The following RGS7 variants were observed in gnomAD, a reference collection of about 807,000 sequenced individuals.
The protein encoded by RGS7 is regulator of G protein signaling 7.
A neutral mutation model predicts 81.1 loss-of-function variants in RGS7; 27 were observed. The ratio of observed to expected loss-of-function variants is 0.33; its 90% CI spans 0.25 to 0.46. The LOEUF (loss-of-function observed/expected upper bound fraction) is 0.46, where lower values mean the gene tolerates loss of function less well. Ranked by LOEUF, RGS7 falls within the 20% of genes least tolerant of loss-of-function variation. The pLI, the probability that RGS7 is intolerant of heterozygous loss-of-function variation, is 1.00. For missense variants in RGS7, 396 were observed against 607.4 expected (o/e 0.65, Z 3.66); for synonymous variants, 208 against 207.7 (o/e 1.00, Z -0.01).
At chr1:241,352,827 C>T (rs6672132) in intron 2 of RGS7, among the ~76,000 whole-genome samples, 1 of 152,256 alleles carries the variant, frequency 6.6e-6, no homozygotes, top group African/African-American at 2.4e-5. Flanking sequence ...ACATCAAACA[C>T]ACACAAGAAA....
chr1:241,147,729 AT>A (rs1349052305), intron 2 of RGS7, among the ~76,000 whole-genome samples: 4 of 123,632 alleles, frequency 3.2e-5, no homozygotes, highest in Non-Finnish European at 6.5e-5. Context: ...CAGAATTTTG[AT>A]TTTTTTCCCC....
intron 6 of RGS7, among the ~76,000 whole-genome samples, chr1:240,884,077 C>CAAA (rs4047365): frequency 1.7e-5 from 1 of 57,366 alleles, no homozygotes; most frequent in African/African-American, 7.7e-5. Context: ...AACTCCATCT[C>CAAA]AAAAAAAAAA....
chr1:240,983,192 T>G, intron 3 of RGS7, 63 bp from the exon 4 acceptor site: 2 of 886,562 alleles, frequency 2.3e-6, no homozygotes, highest in Non-Finnish European at 3.5e-6. Context: ...ATATTAACTT[T>G]AAGAATTCTC....
At chr1:241,243,793 G>A (rs2076381867) in intron 2 of RGS7, among the ~76,000 whole-genome samples, 1 of 152,190 alleles carries the variant, frequency 6.6e-6, no homozygotes, top group Admixed American at 6.5e-5. Context: ...GCAGCAACCT[G>A]AAAACCTAGT....
At chr1:241,204,871 T>C (rs1031876389) in intron 2 of RGS7, among the ~76,000 whole-genome samples, 1 of 152,124 alleles carries the variant, frequency 6.6e-6, no homozygotes, top group African/African-American at 2.4e-5. Context: ...CAAAATACTT[T>C]GGACTAATTC....
At chr1:240,914,482 C>A (rs1264122111) in intron 6 of RGS7, among the ~76,000 whole-genome samples, 2 of 152,106 alleles carry the variant, frequency 1.3e-5, no homozygotes, top group African/African-American at 4.8e-5. Flanking sequence ...ATTTCAGATA[C>A]TTTCCAAAGC....
intron 3 of RGS7, among the ~76,000 whole-genome samples, chr1:241,072,496 T>A (rs2062532371): frequency 6.6e-6 from 1 of 152,134 alleles, no homozygotes; most frequent in South Asian, 2.1e-4. Flanking sequence ...GGCATGGAAT[T>A]TTCCCCCTCG....
intron 18 of RGS7, among the ~76,000 whole-genome samples, chr1:240,786,052 T>TAA (rs1317911891): frequency 6.6e-6 from 1 of 152,186 alleles, no homozygotes; most frequent in Non-Finnish European, 1.5e-5. Flanking sequence ...TATGAACACA[T>TAA]ATACATTTAA....
intron 2 of RGS7, among the ~76,000 whole-genome samples, chr1:241,118,187 G>A (rs1180673281): frequency 2.0e-5 from 3 of 152,154 alleles, no homozygotes; most frequent in Non-Finnish European, 4.4e-5. Context: ...TCAACCAGCA[G>A]TTCATAAGAG....
chr1:241,019,298 G>A (rs141133390), intron 3 of RGS7, among the ~76,000 whole-genome samples: 126 of 152,138 alleles, frequency 8.3e-4, no homozygotes, highest in African/African-American at 2.6e-3. Context: ...CTCTCTGAAG[G>A]AGTCTGTTGC....
chr1:241,268,672 G>A (rs551988989), intron 2 of RGS7, among the ~76,000 whole-genome samples: 3 of 152,076 alleles, frequency 2.0e-5, no homozygotes, highest in Non-Finnish European at 2.9e-5. Flanking sequence ...ATTTTGCCTC[G>A]TGTTATCCTT....
At chr1:240,909,610 C>T (rs1671390389) in intron 6 of RGS7, among the ~76,000 whole-genome samples, 1 of 152,184 alleles carries the variant, frequency 6.6e-6, no homozygotes, top group Admixed American at 6.5e-5. Flanking sequence ...GGCTGGCTTA[C>T]AGAGCACAAG....
chr1:240,789,149 C>T (rs1053963676), intron 18 of RGS7, among the ~76,000 whole-genome samples: 1 of 152,100 alleles, frequency 6.6e-6, no homozygotes, highest in Non-Finnish European at 1.5e-5. Flanking sequence ...GTCTTTACTG[C>T]AATCTCTGAA....
At chr1:241,211,518 T>A (rs552986774) in intron 2 of RGS7, among the ~76,000 whole-genome samples, 1 of 152,292 alleles carries the variant, frequency 6.6e-6, no homozygotes, top group Admixed American at 6.5e-5. Flanking sequence ...TTAAGTGTCC[T>A]CTGTACCTGA....
At chr1:241,236,841 AAT>A (rs869171771) in intron 2 of RGS7, among the ~76,000 whole-genome samples, 4 of 118,880 alleles carry the variant, frequency 3.4e-5, no homozygotes, top group East Asian at 2.2e-4. Flanking sequence ...CTATAAAAAA[AAT>A]ATCCATCTGA....
At chr1:240,883,293 T>C (rs374014088) in intron 6 of RGS7, among the ~76,000 whole-genome samples, 38 of 152,108 alleles carry the variant, frequency 2.5e-4, no homozygotes, top group African/African-American at 8.7e-4. Flanking sequence ...AACAAACCTG[T>C]ACGTTGTGCA....
At position 240,985,080 on chromosome 1, in the gene RGS7, G is replaced by A. The variant is rs538454147; in HGVS notation, c.176-1951C>T. Among the ~76,000 whole-genome samples the A allele has an allele frequency of 3.3e-5, 5 of 152,308 alleles. No homozygotes were observed. In the South Asian group the frequency reaches 6.2e-4, roughly 19 times the overall value. ...ATCATTCTCCAGAAGGCAGTTGACC[G>A]TGTCCCGGTGTTGTGTTCAACCTTA... On this transcript the variant is annotated intron_variant, in intron 3 of 18. Transcript: ENST00000440928.
intron 18 of RGS7, among the ~76,000 whole-genome samples, chr1:240,793,611 A>ATATATATTTTTTTT: frequency 2.5e-5 from 2 of 78,812 alleles, no homozygotes; most frequent in African/African-American, 1.9e-4. Context: ...ATATATATAT[A>ATATATATTTTTTTT]TTTTTTTTTT....
chr1:241,001,568 A>C (rs774041205), intron 3 of RGS7, among the ~76,000 whole-genome samples: 1 of 152,174 alleles, frequency 6.6e-6, no homozygotes, highest in Non-Finnish European at 1.5e-5. Context: ...TAAATAAATG[A>C]CTGGTATACC....
Sources: allele counts gnomAD v4.1 joint callset (sites outside exome capture counted in the v4.1 genomes callset), GRCh38; gene constraint gnomAD v4.1.1; transcripts MANE v1.5; gene names NCBI Gene and HGNC (gene_info 2026-07-23, HGNC 2026-07-21).